The following SGSM1 variants were observed in gnomAD, a reference collection of about 807,000 sequenced individuals.
SGSM1 encodes the protein RUN and TBC1 domain containing 2.
Under a neutral mutation model 133.8 loss-of-function variants are expected in SGSM1, and 73 were observed. The ratio of observed to expected loss-of-function variants is 0.55; its 90% CI spans 0.45 to 0.66. The LOEUF (loss-of-function observed/expected upper bound fraction) is 0.66. Among genes scored for constraint, SGSM1 ranks in the 30% least tolerant of loss-of-function variants. The probability of loss-of-function intolerance (pLI) is 0.00; values close to 1 mark genes in which losing one functional copy is unlikely to be tolerated. For missense variants in SGSM1, 1,213 were observed against 1,448.1 expected (o/e 0.84, Z 2.64); for synonymous variants, 563 against 573.0 (o/e 0.98, Z 0.25).
intron 9 of SGSM1, among the ~76,000 whole-genome samples, chr22:24,861,804 C>T (rs1601933007): frequency 6.6e-6 from 1 of 150,650 alleles, no homozygotes; most frequent in East Asian, 2.0e-4. Flanking sequence ...ATCTCGGCCG[C>T]CTCTCAAGGT....
At chr22:24,875,405 A>G (rs1487175936) in intron 12 of SGSM1, among the ~76,000 whole-genome samples, 3 of 152,170 alleles carry the variant, frequency 2.0e-5, no homozygotes, top group African/African-American at 7.2e-5. Context: ...CCTTTTTTAC[A>G]TTTTGTTTAT....
At chr22:24,842,799 G>A (rs563767957) in intron 2 of SGSM1, among the ~76,000 whole-genome samples, 5 of 152,326 alleles carry the variant, frequency 3.3e-5, no homozygotes, top group South Asian at 4.1e-4. Flanking sequence ...GCATGCAGCC[G>A]ACATTTATTT....
intron 24 of SGSM1, 31 bp from the exon 25 acceptor site, chr22:24,924,155 G>T: frequency 1.2e-6 from 2 of 1,604,558 alleles, no homozygotes; most frequent in Non-Finnish European, 1.7e-6. Flanking sequence ...ACAGAAGGAG[G>T]CTCATGAGAT....
rs757200511 is a variant in SGSM1 at position 24,850,260 on chromosome 22, G to T, written c.303-20G>T. ...TTTGCTCTTGTGAGTATCTATTCCC[G>T]TCTTTTATTGGTCTTGAAGGAGAAA... On this transcript the variant is annotated intron_variant, in intron 4 of 24. Transcript: ENST00000400358. 2.6e-6 allele frequency: 4 copies of T among 1,552,394 alleles called. No individual in the cohort carries two copies. The highest frequency in any genetic ancestry group is 3.5e-6 in the Non-Finnish European group (4 of 1,148,146).
At chr22:24,867,288 T>C (rs1931514303) in intron 10 of SGSM1, 128 bp downstream of exon 10, 3 of 841,842 alleles carry the variant, frequency 3.6e-6, no homozygotes, top group Non-Finnish European at 5.8e-6. Flanking sequence ...CTGTGCAACC[T>C]TAGGCAAGCG....
At chr22:24,832,549 G>A (rs1301795058) in intron 2 of SGSM1, among the ~76,000 whole-genome samples, 1 of 152,192 alleles carries the variant, frequency 6.6e-6, no homozygotes, top group Non-Finnish European at 1.5e-5. Context: ...CAGCACTGTG[G>A]AGAGGGCATA....
chr22:24,824,538 C>T lies in SGSM1; in HGVS notation c.63+18054C>T, dbSNP rs141107502. 7.9e-5 allele frequency among the ~76,000 whole-genome samples: 12 copies of T among 152,206 alleles called. 1 individual carries two copies. Among genetic ancestry groups the T allele is most frequent in the African/African-American group, 2.6e-4 (11 of 41,542 alleles). On this transcript the variant is annotated intron_variant, in intron 2 of 24. Coordinates refer to ENST00000400358, the MANE Select transcript of SGSM1 (RefSeq NM_001098497.3). ...CCTCCCAACTGTCACCTCCTGTGTGCCTCACCCTAATAGATTTAAAAATTA... is the reference window on the plus strand; with the variant it reads ...CCTCCCAACTGTCACCTCCTGTGTGTCTCACCCTAATAGATTTAAAAATTA...
intron 2 of SGSM1, among the ~76,000 whole-genome samples, chr22:24,818,897 A>G (rs1055612754): frequency 6.6e-6 from 1 of 151,980 alleles, no homozygotes; most frequent in Non-Finnish European, 1.5e-5. Flanking sequence ...CTGTAATCCC[A>G]GCACTTTGGG....
intron 21 of SGSM1, among the ~76,000 whole-genome samples, chr22:24,905,788 C>CAAAAAAAA (rs539155528): frequency 3.4e-5 from 3 of 88,484 alleles, no homozygotes; most frequent in East Asian, 3.2e-4. Context: ...GACTCTGTCT[C>CAAAAAAAA]AAAAAAAAAA....
intron 14 of SGSM1, among the ~76,000 whole-genome samples, chr22:24,882,875 T>C (rs78050996): frequency 0.049 from 7,428 of 152,052 alleles, 592 homozygotes; most frequent in African/African-American, 0.17. Flanking sequence ...CCATCACATT[T>C]GTATACCACG....
At chr22:24,839,970 T>C (rs939688216) in intron 2 of SGSM1, among the ~76,000 whole-genome samples, 28 of 145,110 alleles carry the variant, frequency 1.9e-4, no homozygotes, top group South Asian at 2.3e-4. Context: ...TATCTTGCTC[T>C]GTCACCCAGG....
intron 3 of SGSM1, among the ~76,000 whole-genome samples, chr22:24,847,164 G>A (rs764091346): frequency 2.6e-4 from 39 of 152,014 alleles, no homozygotes; most frequent in South Asian, 2.1e-4. Context: ...CGCCTGGCCC[G>A]AGATTAGGCA....
chr22:24,844,990 G>A lies in SGSM1; in HGVS notation c.139+18G>A. 4 of 1,612,962 alleles carry A rather than the reference G, an allele frequency of 2.5e-6. No individual in the cohort carries two copies. The highest frequency in any genetic ancestry group is 3.4e-6 in the Non-Finnish European group (4 of 1,179,422). On this transcript the variant is annotated intron_variant, in intron 3 of 24. Transcript: ENST00000400358. ...CTTCTGTGGTGAGTCTGTGACCTGG[G>A]AAAGTGGCTTCTTTCTCTGTGGGCT... is the stretch of plus-strand genomic sequence containing the variant.
intron 3 of SGSM1, among the ~76,000 whole-genome samples, chr22:24,846,015 T>TTCTTTCTC (rs1930126503): frequency 6.8e-6 from 1 of 147,062 alleles, no homozygotes; most frequent in African/African-American, 2.6e-5. Flanking sequence ...CTTTCTTCAT[T>TTCTTTCTC]TCTTTCTCTC....
intron 14 of SGSM1, 66 bp from the exon 15 acceptor site, chr22:24,883,987 T>A: frequency 6.8e-7 from 1 of 1,476,406 alleles, no homozygotes; most frequent in Admixed American, 2.5e-5. Flanking sequence ...ACTTGGGAAG[T>A]CCCATGAGAC....
At chr22:24,818,256 TAAAAC>T (rs1928236289) in intron 2 of SGSM1, among the ~76,000 whole-genome samples, 1 of 150,800 alleles carries the variant, frequency 6.6e-6, no homozygotes, top group Non-Finnish European at 1.5e-5. Context: ...TAAAATAAAA[TAAAAC>T]AAACAAAAAA....
At chr22:24,843,094 G>GA (rs1929899720) in intron 2 of SGSM1, among the ~76,000 whole-genome samples, 1 of 152,186 alleles carries the variant, frequency 6.6e-6, no homozygotes, top group Admixed American at 6.5e-5. Flanking sequence ...CTGTGACCTT[G>GA]AGTGGTCCGG....
At chr22:24,841,147 G>A (rs928656270) in intron 2 of SGSM1, among the ~76,000 whole-genome samples, 1 of 152,220 alleles carries the variant, frequency 6.6e-6, no homozygotes, top group African/African-American at 2.4e-5. Context: ...ACCGTGCCCT[G>A]CTGTGTTTTT....
rs186248675 is a variant in SGSM1, at chr22:24,861,747, C to T, written c.926+1907C>T. On this transcript the variant is annotated intron_variant, in intron 9 of 24. Coordinates refer to ENST00000400358, the MANE Select transcript of SGSM1 (RefSeq NM_001098497.3). ...ATTTTCGTTAGATACGGGGTTTCATCGTGTTGGCCAGGCTGGTCTCGACTC... is the reference window on the plus strand; with the variant it reads ...ATTTTCGTTAGATACGGGGTTTCATTGTGTTGGCCAGGCTGGTCTCGACTC... 3.2e-3 allele frequency among the ~76,000 whole-genome samples: 481 copies of T among 151,766 alleles called. 4 individuals carry two copies. Among genetic ancestry groups the T allele is most frequent in the African/African-American group, 0.011 (459 of 41,430 alleles).
Sources: gnomAD v4.1 joint callset for allele counts (sites outside exome capture counted in the v4.1 genomes callset) on GRCh38, gnomAD v4.1.1 for gene constraint, MANE v1.5 for transcripts, NCBI Gene and HGNC (gene_info 2026-07-23, HGNC 2026-07-21) for gene names.